CARMIL1: variants seen among roughly 807,000 people sequenced by gnomAD.
CARMIL1 encodes capping protein regulator and myosin 1 linker 1.
Under a neutral mutation model 177.1 loss-of-function variants are expected in CARMIL1, and 90 were observed. The observed-to-expected ratio is 0.51, with a 90% CI of 0.43 to 0.61. CARMIL1 has a LOEUF of 0.61. CARMIL1 is among the 20% of genes least tolerant of loss of function. The pLI, the probability that CARMIL1 is intolerant of heterozygous loss-of-function variation, is 0.00. For synonymous variants in CARMIL1, 577 were observed against 606.2 expected (o/e 0.95, Z 0.71); for missense variants, 1,380 against 1,667.0 (o/e 0.83, Z 3.00).
chr6:25,529,793 C>CTGCTATGAA (rs1418808000), intron 24 of CARMIL1, among the ~76,000 whole-genome samples: 2 of 127,684 alleles, frequency 1.6e-5, no homozygotes, highest in East Asian at 4.2e-4. Flanking sequence ...AAAGAATAGG[C>CTGCTATGAA]TGCTATGAAC....
intron 2 of CARMIL1, among the ~76,000 whole-genome samples, chr6:25,377,173 A>C (rs1791072062): frequency 6.6e-6 from 1 of 152,188 alleles, no homozygotes; most frequent in East Asian, 1.9e-4. Flanking sequence ...CCATGGGGGA[A>C]GCCTCAGCTA....
At chr6:25,600,286 C>G in intron 32 of CARMIL1, 28 bp from the exon 33 acceptor site, 8 of 1,567,048 alleles carry the variant, frequency 5.1e-6, no homozygotes, top group Non-Finnish European at 6.9e-6. Context: ...GTAAAAACAA[C>G]AGATCTGTGT....
At chr6:25,405,014 T>C (rs1047224947) in intron 2 of CARMIL1, among the ~76,000 whole-genome samples, 1 of 148,022 alleles carries the variant, frequency 6.8e-6, no homozygotes, top group Non-Finnish European at 1.5e-5. Context: ...GCAGTGTTTA[T>C]GACTAAACCC....
At chr6:25,594,039 A>G (rs980637824) in intron 31 of CARMIL1, among the ~76,000 whole-genome samples, 1 of 151,838 alleles carries the variant, frequency 6.6e-6, no homozygotes, top group Non-Finnish European at 1.5e-5. Flanking sequence ...AGGGCCCTGG[A>G]GTCATCACCA....
rs935337018 is a variant in CARMIL1 at position 25,558,790 on chromosome 6, G to A, written c.2742+1940G>A. On this transcript the variant is annotated intron_variant, in intron 29 of 36. Transcript: ENST00000329474. The surrounding 1 kb of genome is among the most constrained non-coding windows in gnomAD (Gnocchi z 4.1). ...ATGAGCCTGTGTTGAGTCCTAGGGT[G>A]AGGAGCAGGGCCCTGGGTGTTGAGG... Among the ~76,000 whole-genome samples the A allele has an allele frequency of 6.6e-6, 1 of 152,160 alleles. No homozygotes were observed. The highest frequency in any genetic ancestry group is 1.5e-5 in the Non-Finnish European group (1 of 68,024).
intron 2 of CARMIL1, chr6:25,388,159 G>A (rs73730708): frequency 4.5e-4 from 69 of 152,158 alleles, no homozygotes; most frequent in African/African-American, 1.5e-3. Context: ...ATGTAGAAGC[G>A]TTTCTTGATG....
chr6:25,528,574 A>G (rs902953849), intron 23 of CARMIL1, among the ~76,000 whole-genome samples: 3 of 152,218 alleles, frequency 2.0e-5, no homozygotes, highest in African/African-American at 7.2e-5. Flanking sequence ...TTACACAAAA[A>G]TTACTCCAAT....
chr6:25,366,342 C>T (rs976326208), intron 2 of CARMIL1, among the ~76,000 whole-genome samples: 1 of 151,990 alleles, frequency 6.6e-6, no homozygotes, highest in African/African-American at 2.4e-5. Flanking sequence ...GGAAAACTTT[C>T]CTAAGATTTC....
intron 3 of CARMIL1, among the ~76,000 whole-genome samples, chr6:25,423,498 A>G (rs1796034515): frequency 6.6e-6 from 1 of 152,222 alleles, no homozygotes; most frequent in Non-Finnish European, 1.5e-5. Context: ...TTGGAAGACC[A>G]CAGTGCATTT....
At chr6:25,324,054 C>T (rs767261468) in intron 2 of CARMIL1, among the ~76,000 whole-genome samples, 3 of 152,252 alleles carry the variant, frequency 2.0e-5, no homozygotes, top group Non-Finnish European at 2.9e-5. Context: ...TCTAGATCCT[C>T]CATCTGGGAG....
rs545901117 is a variant in CARMIL1, at chr6:25,471,308, T to C, written c.779+51T>C. The C allele has an allele frequency of 6.8e-6, 9 of 1,315,012 alleles. No homozygotes were observed. In the South Asian group the frequency reaches 1.2e-4, roughly 17 times the overall value. 81.5% of individuals were successfully genotyped at this position (1,315,012 alleles called of 1,614,324 possible). A position where few individuals can be genotyped will look rare whatever the true frequency, so the allele number is the denominator to read the frequency against. On this transcript the variant is annotated intron_variant, in intron 10 of 36. Transcript: ENST00000329474. Reference sequence around the variant, plus strand: ...TATGTTGCTTTAAAACTCTGTGCCATTTGCTCTTCTAATTAATTCATAGTT... The same window carrying C: ...TATGTTGCTTTAAAACTCTGTGCCACTTGCTCTTCTAATTAATTCATAGTT...
At chr6:25,521,113 C>T (rs561369523) in intron 23 of CARMIL1, among the ~76,000 whole-genome samples, 4 of 152,040 alleles carry the variant, frequency 2.6e-5, no homozygotes, top group South Asian at 4.2e-4. Flanking sequence ...AGGAAAGCTT[C>T]GTTAATGTTA....
intron 2 of CARMIL1, among the ~76,000 whole-genome samples, chr6:25,386,483 T>C (rs1792174466): frequency 6.6e-6 from 1 of 152,096 alleles, no homozygotes; most frequent in Non-Finnish European, 1.5e-5. Context: ...CCTCAAGTGA[T>C]CCACCTACCT....
At chr6:25,508,724 A>G (rs1365185899) in intron 17 of CARMIL1, among the ~76,000 whole-genome samples, 1 of 152,190 alleles carries the variant, frequency 6.6e-6, no homozygotes, top group Non-Finnish European at 1.5e-5. Flanking sequence ...AGGACTTGCC[A>G]TGTTCCTTGG....
At chr6:25,409,515 T>G (rs1396338976) in intron 2 of CARMIL1, among the ~76,000 whole-genome samples, 2 of 151,684 alleles carry the variant, frequency 1.3e-5, no homozygotes, top group Non-Finnish European at 2.9e-5. Flanking sequence ...GTCCACAAAA[T>G]GGCAAAGCTG....
intron 2 of CARMIL1, among the ~76,000 whole-genome samples, chr6:25,390,458 A>G (rs1792691769): frequency 3.3e-5 from 5 of 150,790 alleles, no homozygotes; most frequent in South Asian, 4.2e-4. Context: ...AGTAGCTACA[A>G]CTACAGGCAC....
Position 25,450,661 on chromosome 6 carries a change from C to T in CARMIL1, c.564C>T (p.Thr188=), listed in dbSNP as rs371039331. ...AGGATGTGGATACAATTTATCTTAC[C>T]CAAGACACCAGGGAATTGAATTTAC... ...VQWDVDTIYL[T]QDTRELNLQD... The change falls in exon 8 of 37, where the codon ACC becomes ACT. Residue 188 remains threonine, a synonymous_variant. Coordinates refer to ENST00000329474, the MANE Select transcript of CARMIL1 (RefSeq NM_017640.6). The T allele has an allele frequency of 1.6e-5, 26 of 1,603,690 alleles. No homozygotes were observed. Among genetic ancestry groups the T allele is most frequent in the Non-Finnish European group, 2.1e-5 (25 of 1,173,040 alleles).
chr6:25,445,789 C>A (rs370959102), intron 5 of CARMIL1, among the ~76,000 whole-genome samples: 3 of 152,056 alleles, frequency 2.0e-5, no homozygotes, highest in African/African-American at 7.3e-5. Context: ...CCACACGCCT[C>A]GGCTGGGATT....
At chr6:25,310,251 A>G (rs1188699920) in intron 2 of CARMIL1, among the ~76,000 whole-genome samples, 1 of 152,192 alleles carries the variant, frequency 6.6e-6, no homozygotes, top group Non-Finnish European at 1.5e-5. Flanking sequence ...AAAGTGTAGA[A>G]GGATCATATA....
Sources: gnomAD v4.1 joint callset for allele counts (sites outside exome capture counted in the v4.1 genomes callset) on GRCh38, gnomAD v4.1.1 for gene constraint, Gnocchi (gnomAD v3.1) non-coding constraint, MANE v1.5 for transcripts, NCBI Gene and HGNC (gene_info 2026-07-23, HGNC 2026-07-21) for gene names.